Variants in CALN1 observed in about 807,000 individuals in gnomAD.
CALN1 encodes the protein calneuron 1, also known as calcium-binding protein 8.
Under a neutral mutation model 30.6 loss-of-function variants are expected in CALN1, and 17 were observed. The observed-to-expected ratio is 0.56, with a 90% CI of 0.38 to 0.83. The LOEUF (loss-of-function observed/expected upper bound fraction) is 0.83. Ranked by LOEUF, CALN1 falls within the 40% of genes least tolerant of loss-of-function variation. The probability of loss-of-function intolerance (pLI) is 0.00; values close to 1 mark genes in which losing one functional copy is unlikely to be tolerated. For synonymous variants in CALN1, 156 were observed against 131.4 expected (o/e 1.19, Z -1.28); for missense variants, 291 against 354.9 (o/e 0.82, Z 1.45).
intron 5 of CALN1, among the ~76,000 whole-genome samples, chr7:71,870,180 C>T (rs890760887): frequency 2.0e-5 from 3 of 152,094 alleles, no homozygotes; most frequent in South Asian, 2.1e-4. Flanking sequence ...GTCAGGAGTT[C>T]GAGACCAACC....
chr7:72,217,477 G>A (rs1209396705), intron 3 of CALN1, among the ~76,000 whole-genome samples: 2 of 152,176 alleles, frequency 1.3e-5, no homozygotes, highest in East Asian at 3.8e-4. Flanking sequence ...ATAGCAACCA[G>A]TTACTCTTCA....
At chr7:72,455,924 C>G in the CALN1 span, among the ~76,000 whole-genome samples, 1 of 152,102 alleles carries the variant, frequency 6.6e-6, no homozygotes, top group South Asian at 2.1e-4. Context: ...GGTGAGTTCA[C>G]GCCTGTAATC....
chr7:72,487,890 A>AAAGAAAGAAAGAAAG, the CALN1 span, among the ~76,000 whole-genome samples: 4 of 60,258 alleles, frequency 6.6e-5, no homozygotes, highest in African/African-American at 2.6e-4. Flanking sequence ...GAAAGAAAAG[A>AAAGAAAGAAAGAAAG]AAAGAAAGAA....
At chr7:72,230,794 A>G (rs1055008293) in intron 3 of CALN1, among the ~76,000 whole-genome samples, 1 of 152,252 alleles carries the variant, frequency 6.6e-6, no homozygotes, top group Admixed American at 6.5e-5. Flanking sequence ...TAAGTTAGTG[A>G]TAATTGGTTA....
chr7:72,196,786 C>G (rs1464598285), intron 3 of CALN1, among the ~76,000 whole-genome samples: 1 of 152,096 alleles, frequency 6.6e-6, no homozygotes, highest in Non-Finnish European at 1.5e-5. Context: ...TTATTTCATC[C>G]TCATGAGTTA....
chr7:72,267,529 G>A (rs963589588), intron 3 of CALN1, among the ~76,000 whole-genome samples: 2 of 152,198 alleles, frequency 1.3e-5, no homozygotes, highest in Admixed American at 6.6e-5. Flanking sequence ...GTGACATGAC[G>A]GGTACAAGGG....
chr7:71,784,925 T>C lies in CALN1; in HGVS notation c.*2850A>G. ...GCATGGGGCCCTAGCATAAAATTTG[T>C]GTGAACAGGGCTGGGAGTTGGCTGC... On this transcript the variant is annotated 3_prime_UTR_variant, in exon 7 of 7. Transcript: ENST00000395275. 1 of 398,584 alleles carries C rather than the reference T, an allele frequency of 2.5e-6. No homozygotes were observed. The highest frequency in any genetic ancestry group is 1.3e-4 in the South Asian group (1 of 7,848). 24.7% of individuals were successfully genotyped at this position (398,584 alleles called of 1,614,324 possible). A position where few individuals can be genotyped will look rare whatever the true frequency, so the allele number is the denominator to read the frequency against.
chr7:72,334,522 A>ACCCCCCCCC (rs199877727), intron 2 of CALN1, among the ~76,000 whole-genome samples: 3 of 151,456 alleles, frequency 2.0e-5, no homozygotes, highest in African/African-American at 7.3e-5. Flanking sequence ...CTCAACCTGT[A>ACCCCCCCCC]CCCCCCCTCC....
chr7:72,309,402 G>A (rs535874781), intron 2 of CALN1, among the ~76,000 whole-genome samples: 1 of 152,228 alleles, frequency 6.6e-6, no homozygotes, highest in East Asian at 1.9e-4. Context: ...AAGGAACTCA[G>A]GAATGGACCC....
At position 72,314,293 on chromosome 7, in the gene CALN1, T is replaced by C. The variant is rs369353743; in HGVS notation, c.120-35483A>G. On this transcript the variant is annotated intron_variant, in intron 2 of 6. Transcript: ENST00000395275. Reference sequence around the variant, plus strand: ...ACAGCCACTTTGTGTAAAAAGCCATTTAATACTATTTGATTTCTAAGCTAT... The same window carrying C: ...ACAGCCACTTTGTGTAAAAAGCCATCTAATACTATTTGATTTCTAAGCTAT... Among the ~76,000 whole-genome samples, 31 of 152,120 alleles carry C rather than the reference T, an allele frequency of 2.0e-4. No homozygotes were observed. The East Asian group carries it at 4.4e-3, about 22-fold the overall frequency.
intron 4 of CALN1, among the ~76,000 whole-genome samples, chr7:72,079,319 G>A (rs1215761205): frequency 3.3e-5 from 5 of 152,116 alleles, no homozygotes; most frequent in Admixed American, 2.0e-4. Flanking sequence ...GGATAACATC[G>A]AGTTAAGATA....
At chr7:72,320,491 ACATAAG>A (rs1049394470) in intron 2 of CALN1, among the ~76,000 whole-genome samples, 1 of 152,190 alleles carries the variant, frequency 6.6e-6, no homozygotes, top group African/African-American at 2.4e-5. Flanking sequence ...ACCTAGGATG[ACATAAG>A]CAAAGAAGTA....
chr7:72,449,837 T>C (rs1374162543), upstream of CALN1, among the ~76,000 whole-genome samples: 3 of 123,560 alleles, frequency 2.4e-5, no homozygotes, highest in Non-Finnish European at 4.8e-5. Context: ...ATTGCACCAC[T>C]GCACTCCAGC....
intron 5 of CALN1, among the ~76,000 whole-genome samples, chr7:72,008,909 G>A (rs1362895974): frequency 6.6e-6 from 1 of 152,074 alleles, no homozygotes; most frequent in Non-Finnish European, 1.5e-5. Flanking sequence ...ACCCGCCTCC[G>A]CCTCCCAACG....
At chr7:72,503,889 TG>T in the CALN1 span, among the ~76,000 whole-genome samples, 1 of 152,164 alleles carries the variant, frequency 6.6e-6, no homozygotes, top group Non-Finnish European at 1.5e-5. Context: ...GAGAATGCCT[TG>T]GTTTTTTAAT....
chr7:72,260,431 G>C (rs1585291716), intron 3 of CALN1, among the ~76,000 whole-genome samples: 1 of 152,164 alleles, frequency 6.6e-6, no homozygotes, highest in Non-Finnish European at 1.5e-5. Flanking sequence ...CGGGTGCACA[G>C]ACCCCAGGTT....
chr7:72,114,220 A>G (rs533595542), intron 3 of CALN1, among the ~76,000 whole-genome samples: 1 of 135,306 alleles, frequency 7.4e-6, no homozygotes, highest in East Asian at 3.0e-4. Flanking sequence ...AGAAAGAAGT[A>G]AAGTAAAAGT....
At chr7:72,177,988 G>A (rs1789486961) in intron 3 of CALN1, among the ~76,000 whole-genome samples, 1 of 152,156 alleles carries the variant, frequency 6.6e-6, no homozygotes, top group African/African-American at 2.4e-5. Flanking sequence ...AAAGAGCCAA[G>A]GCAGAAGCTC....
intron 5 of CALN1, among the ~76,000 whole-genome samples, chr7:71,842,513 T>C (rs1050207055): frequency 3.9e-5 from 6 of 152,174 alleles, no homozygotes; most frequent in African/African-American, 1.4e-4. Flanking sequence ...GCAGGGTTGG[T>C]GGCACAAGAG....
Sources: gnomAD v4.1 joint callset for allele counts (sites outside exome capture counted in the v4.1 genomes callset) on GRCh38, gnomAD v4.1.1 for gene constraint, MANE v1.5 for transcripts, NCBI Gene and HGNC (gene_info 2026-07-23, HGNC 2026-07-21) for gene names.